Variants in C18orf63 observed in about 807,000 individuals in gnomAD.
C18orf63 encodes uncharacterized protein C18orf63.
In C18orf63, 50 loss-of-function variants were observed where a neutral mutation model predicts 75.3. The observed-to-expected ratio is 0.66, with a 90% CI of 0.53 to 0.84. The LOEUF (loss-of-function observed/expected upper bound fraction) is 0.84. Ranked by LOEUF, C18orf63 falls within the 40% of genes least tolerant of loss-of-function variation. The pLI is 0.00. For synonymous variants in C18orf63, 232 were observed against 267.6 expected (o/e 0.87, Z 1.30); for missense variants, 732 against 800.2 (o/e 0.91, Z 1.03).
Position 74,329,036 on chromosome 18 carries a change from G to C in C18orf63, c.424G>C (p.Val142Leu). ...LSQMGKQSAV[V>L]LNINVTETQV... ...TCAGATGGGAAAACAAAGTGCTGTTGGTAAGTAAAAATGCATAAGTCAATA... is the reference window on the plus strand; with the variant it reads ...TCAGATGGGAAAACAAAGTGCTGTTCGTAAGTAAAAATGCATAAGTCAATA... The change falls in exon 6 of 14, where the codon GTA (valine) becomes CTA (leucine). Residue 142 changes from valine to leucine, a missense_variant and splice_region_variant. This residue lies in a region of C18orf63 where 233 missense variants were observed against 272.7 expected (regional missense o/e 0.85). Transcript: ENST00000579455. The C allele has an allele frequency of 1.3e-6, 2 of 1,497,400 alleles. No homozygotes were observed. The highest frequency in any genetic ancestry group is 1.4e-5 in the African/African-American group (1 of 72,292). The allele number at this position is 1,497,400 out of a possible 1,614,324, so 92.8% of individuals were successfully genotyped here. A position where few individuals can be genotyped will look rare whatever the true frequency, so the allele number is the denominator to read the frequency against.
intron 2 of C18orf63, among the ~76,000 whole-genome samples, chr18:74,318,803 A>G (rs1221376087): frequency 6.6e-6 from 1 of 152,006 alleles, no homozygotes. Context: ...AAAAAAAAAA[A>G]AGGAAAGAAA....
intron 11 of C18orf63, among the ~76,000 whole-genome samples, chr18:74,349,935 C>T (rs1012495727): frequency 6.6e-6 from 1 of 152,170 alleles, no homozygotes; most frequent in African/African-American, 2.4e-5. Context: ...CACATCCAAA[C>T]CCTAGCTGCA....
At position 74,330,848 on chromosome 18, in the gene C18orf63, T is replaced by C; in HGVS notation, c.425-18T>C. 1.0e-6 allele frequency: 1 copy of C among 998,808 alleles called. No individual in the cohort carries two copies. Among genetic ancestry groups the C allele is most frequent in the Admixed American group, 2.6e-5 (1 of 38,944 alleles). The allele number at this position is 998,808 out of a possible 1,614,324, so 61.9% of individuals were successfully genotyped here. A position where few individuals can be genotyped will look rare whatever the true frequency, so the allele number is the denominator to read the frequency against. ...GTAATAATTCCAGGTAGTTCACAGT[T>C]AAATATTTTATTTTCAGTATTAAAC... On this transcript the variant is annotated intron_variant, in intron 6 of 13. Transcript: ENST00000579455.
chr18:74,341,305 T>TAAAAA (rs1984481712), intron 8 of C18orf63, among the ~76,000 whole-genome samples: 1 of 113,028 alleles, frequency 8.8e-6, no homozygotes, highest in Admixed American at 9.4e-5. Flanking sequence ...AAAAAAAAAG[T>TAAAAA]ATTAGGTTGG....
At chr18:74,350,375 A>T (rs1229585497) in intron 11 of C18orf63, among the ~76,000 whole-genome samples, 1 of 152,154 alleles carries the variant, frequency 6.6e-6, no homozygotes, top group Non-Finnish European at 1.5e-5. Flanking sequence ...ACATAGGGTC[A>T]CTGCAGATAT....
In C18orf63 at chr18:74,342,077, TG is replaced by T; in HGVS notation, c.658del (p.Ala220ProfsTer63). On this transcript the variant is annotated frameshift_variant, in exon 9 of 14. Coordinates refer to ENST00000579455, the MANE Select transcript of C18orf63 (RefSeq NM_001174123.2). LOFTEE classifies it high-confidence loss of function. ...IINIFHAIPA[A>X]CPFHSYGDFQ... The stretch of plus-strand genomic sequence containing the variant: ...TAAATATTTTTCATGCCATCCCCGC[TG>T]CCTGTCCTTTTCACTCATATGGAGA... 1 of 1,529,886 alleles carries T rather than the reference TG, an allele frequency of 6.5e-7. No individual in the cohort carries two copies. The highest frequency in any genetic ancestry group is 8.8e-7 in the Non-Finnish European group (1 of 1,141,844). The allele number at this position is 1,529,886 out of a possible 1,614,324, so 94.8% of individuals were successfully genotyped here. A position where few individuals can be genotyped will look rare whatever the true frequency, so the allele number is the denominator to read the frequency against.
At chr18:74,318,437 CTG>C (rs1599283934) in intron 2 of C18orf63, among the ~76,000 whole-genome samples, 1 of 152,250 alleles carries the variant, frequency 6.6e-6, no homozygotes, top group East Asian at 1.9e-4. Context: ...GTATGAGACA[CTG>C]TGGAGTATTT....
At position 74,354,580 on chromosome 18, in the gene C18orf63, C is replaced by T. The variant is rs527488259; in HGVS notation, c.*33+34C>T. ...AGTGATAGCTTTTGATTTGTTTTTA[C>T]ATTATCTGAATTGGGATTGCCAAGT... is the stretch of plus-strand genomic sequence containing the variant. On this transcript the variant is annotated intron_variant, in intron 13 of 13. Transcript: ENST00000579455. The T allele has an allele frequency of 3.3e-4, 352 of 1,075,954 alleles. 1 individual carries two copies. The Admixed American group carries it at 7.9e-3, about 24-fold the overall frequency. 66.7% of individuals were successfully genotyped at this position (1,075,954 alleles called of 1,614,324 possible). A position where few individuals can be genotyped will look rare whatever the true frequency, so the allele number is the denominator to read the frequency against.
At chr18:74,323,293 A>G (rs935028815) in intron 4 of C18orf63, among the ~76,000 whole-genome samples, 2 of 152,172 alleles carry the variant, frequency 1.3e-5, no homozygotes, top group African/African-American at 2.4e-5. Context: ...AACAGCTGTT[A>G]TTGCTGGCCT....
At chr18:74,342,998 A>G (rs1984514341) in intron 10 of C18orf63, among the ~76,000 whole-genome samples, 1 of 152,158 alleles carries the variant, frequency 6.6e-6, no homozygotes, top group South Asian at 2.1e-4. Flanking sequence ...AGTAAAACTG[A>G]GGTTAACATA....
At position 74,317,304 on chromosome 18, in the gene C18orf63, CTG is replaced by C. The variant is rs368418042; in HGVS notation, c.-32-527_-32-526del. Among the ~76,000 whole-genome samples the C allele has an allele frequency of 4.4e-3, 667 of 152,268 alleles. 2 individuals are homozygous for C. The South Asian group carries it at 0.047, about 11-fold the overall frequency. ...TACCTTATGAATTATCAACTGTAAACTGTGCCTCCAATAGAATTTGAAAGCTG... is the reference window on the plus strand; with the variant it reads ...TACCTTATGAATTATCAACTGTAAACTGCCTCCAATAGAATTTGAAAGCTG... On this transcript the variant is annotated intron_variant, in intron 1 of 13. Transcript: ENST00000579455.
chr18:74,339,918 A>T (rs959421850), intron 8 of C18orf63, among the ~76,000 whole-genome samples: 7 of 152,224 alleles, frequency 4.6e-5, no homozygotes, highest in Non-Finnish European at 7.4e-5. Flanking sequence ...TTAGCAATAA[A>T]TTTAACAACC....
At position 74,353,316 on chromosome 18, in the gene C18orf63, C is replaced by A; in HGVS notation, c.1049C>A (p.Ser350Tyr). 6.5e-7 allele frequency: 1 copy of A among 1,536,484 alleles called. No individual in the cohort carries two copies. The highest frequency in any genetic ancestry group is 1.4e-5 in the African/African-American group (1 of 73,128). ...AGGGCATCTCTGACTCAAGCCACTT[C>A]CAGAAAGCCTGCCTGTGCTCAAAGT... ...MLRASLTQAT[S>Y]RKPACAQSLL... is the part of the protein sequence containing the mutation. Residue 350 changes from serine to tyrosine, a missense_variant, in exon 12 of 14, where the codon TCC (serine) becomes TAC (tyrosine). Transcript: ENST00000579455.
chr18:74,338,601 T>C (rs1463466717), intron 7 of C18orf63, 114 bp from the exon 8 acceptor site: 3 of 431,260 alleles, frequency 7.0e-6, no homozygotes, highest in East Asian at 6.9e-5. Flanking sequence ...GTAACTTAAG[T>C]CTTTAAATCT....
Position 74,356,930 on chromosome 18 carries a change from G to A in C18orf63, c.*483G>A, listed in dbSNP as rs1177573240. The A allele has an allele frequency of 1.3e-5, 2 of 151,736 alleles. No homozygotes were observed. Among genetic ancestry groups the A allele is most frequent in the Non-Finnish European group, 2.9e-5 (2 of 67,972 alleles). The allele number at this position is 151,736 out of a possible 1,614,324, so 9.4% of individuals were successfully genotyped here. On this transcript the variant is annotated 3_prime_UTR_variant, in exon 14 of 14. Coordinates refer to ENST00000579455, the MANE Select transcript of C18orf63 (RefSeq NM_001174123.2). ...CTTTTTTTTGCTATAATCTTTTAAA[G>A]CAAATTCAAGACATCATATAATTTT...
Position 74,330,918 on chromosome 18 carries a change from CA to C in C18orf63, c.478del (p.Thr160GlnfsTer9), listed in dbSNP as rs1476442638. 1 of 1,470,418 alleles carries C rather than the reference CA, an allele frequency of 6.8e-7. No individual in the cohort carries two copies. The allele number at this position is 1,470,418 out of a possible 1,614,324, so 91.1% of individuals were successfully genotyped here. A position where few individuals can be genotyped will look rare whatever the true frequency, so the allele number is the denominator to read the frequency against. ...AAGTTTGTCTAAGTATAGAAGCTTG[CA>C]CAATCAGACTGCCAGCACCTGAGGT... ...TQVCLSIEACTIRLPAPELKE... is the reference protein window; with the variant it reads ...TQVCLSIEACXIRLPAPELKE... On this transcript the variant is annotated frameshift_variant, in exon 7 of 14. Transcript: ENST00000579455. LOFTEE classifies it high-confidence loss of function.
intron 3 of C18orf63, 99 bp downstream of exon 3, chr18:74,320,690 G>A: frequency 1.2e-5 from 8 of 676,462 alleles, no homozygotes; most frequent in South Asian, 4.6e-5. Context: ...ATGTTTATGA[G>A]GATTAATTGA....
chr18:74,357,904 A>T lies in C18orf63; in HGVS notation c.*1457A>T, dbSNP rs191052649. On this transcript the variant is annotated 3_prime_UTR_variant, in exon 14 of 14. Transcript: ENST00000579455. The stretch of plus-strand genomic sequence containing the variant: ...TTATAGATATCTAGTAGACTGTTAT[A>T]AAGAGTGGTATGTCATTTTGTTTAT... The T allele has an allele frequency of 2.0e-5, 3 of 152,274 alleles. No individual in the cohort carries two copies. Among genetic ancestry groups the T allele is most frequent in the Admixed American group, 1.3e-4 (2 of 15,292 alleles). 9.4% of individuals were successfully genotyped at this position (152,274 alleles called of 1,614,324 possible).
intron 1 of C18orf63, among the ~76,000 whole-genome samples, chr18:74,316,498 C>G (rs781480833): frequency 1.3e-5 from 2 of 152,106 alleles, no homozygotes; most frequent in Admixed American, 1.3e-4. Context: ...GCGGCGGTCC[C>G]GAGGCTTAGC....
Sources: allele counts gnomAD v4.1 joint callset (sites outside exome capture counted in the v4.1 genomes callset), GRCh38; gene constraint gnomAD v4.1.1; regional missense constraint gnomAD v4.1.1; transcripts MANE v1.5; gene names NCBI Gene and HGNC (gene_info 2026-07-23, HGNC 2026-07-21).